ZSCAN18: variants seen among roughly 807,000 people sequenced by gnomAD.
ZSCAN18 encodes zinc finger and SCAN domain containing 18.
Under a neutral mutation model 31.1 loss-of-function variants are expected in ZSCAN18, and 16 were observed. That is an observed-to-expected ratio of 0.51 (90% CI 0.35 to 0.78). The LOEUF (loss-of-function observed/expected upper bound fraction) is 0.78. Among genes scored for constraint, ZSCAN18 ranks in the 30% least tolerant of loss-of-function variants. ZSCAN18 has a pLI of 0.01. For synonymous variants in ZSCAN18, 375 were observed against 320.7 expected (o/e 1.17, Z -1.81); for missense variants, 731 against 697.4 (o/e 1.05, Z -0.54).
At chr19:58,110,686 TCCTA>T (rs1443077683) in intron 1 of ZSCAN18, among the ~76,000 whole-genome samples, 1 of 152,220 alleles carries the variant, frequency 6.6e-6, no homozygotes, top group Non-Finnish European at 1.5e-5. Context: ...ACACACAGTA[TCCTA>T]CCAATTTACA....
upstream of ZSCAN18, among the ~76,000 whole-genome samples, chr19:58,101,086 G>T (rs1234168235): frequency 6.6e-6 from 1 of 151,688 alleles, no homozygotes; most frequent in Non-Finnish European, 1.5e-5. Flanking sequence ...GGTTACCACG[G>T]CTACAGAGTA....
In ZSCAN18 at chr19:58,090,200, G is replaced by A. The variant is rs144951190; in HGVS notation, c.68C>T (p.Pro23Leu). The A allele has an allele frequency of 1.9e-5, 31 of 1,613,722 alleles. No individual in the cohort carries two copies. The highest frequency in any genetic ancestry group is 1.2e-4 in the Admixed American group (7 of 60,032). The change falls in exon 2 of 7, where the codon CCG (proline) becomes CTG (leucine). Residue 23 changes from proline to leucine, a missense_variant. Transcript: ENST00000601144. The surrounding 1 kb of genome is among the most constrained non-coding windows in gnomAD (Gnocchi z 4.7). Reference sequence around the variant, plus strand: ...CTGCTGGACTCCGGCTGCTGACCCCGGCGTGGGCAGATCCGGCGGGGCTGG... The same window carrying A: ...CTGCTGGACTCCGGCTGCTGACCCCAGCGTGGGCAGATCCGGCGGGGCTGG... ...SSPAPPDLPT[P>L]GSAAGVQQEE... is the part of the protein sequence containing the mutation.
chr19:58,096,239 G>C (rs922213787), intron 1 of ZSCAN18, among the ~76,000 whole-genome samples: 5 of 152,072 alleles, frequency 3.3e-5, no homozygotes, highest in Non-Finnish European at 7.4e-5. Context: ...ACAAAATAGA[G>C]ATACCACTGG....
intron 1 of ZSCAN18, chr19:58,109,304 C>G: frequency 8.1e-7 from 1 of 1,231,590 alleles, no homozygotes; most frequent in Non-Finnish European, 1.0e-6. Context: ...GTTTCCCAGG[C>G]TGGAAAGGAA....
Position 58,090,457 on chromosome 19 carries a change from C to A in ZSCAN18, c.-119-71G>T. ...CGCAGCCACCCCAGCTGCCAGAGAA[C>A]AAAGACACCACACCCAGAGTTCACA... On this transcript the variant is annotated intron_variant, in intron 1 of 6. Transcript: ENST00000601144. The surrounding 1 kb of genome is among the most constrained non-coding windows in gnomAD (Gnocchi z 4.7). 1 of 1,359,616 alleles carries A rather than the reference C, an allele frequency of 7.4e-7. No homozygotes were observed. 84.2% of individuals were successfully genotyped at this position (1,359,616 alleles called of 1,614,324 possible).
At chr19:58,110,683 G>C (rs2074675161) in intron 1 of ZSCAN18, among the ~76,000 whole-genome samples, 1 of 152,132 alleles carries the variant, frequency 6.6e-6, no homozygotes. Context: ...AATACACACA[G>C]TATCCTACCA....
Position 58,085,076 on chromosome 19 carries a change from C to A in ZSCAN18, c.1142G>T (p.Ser381Ile), listed in dbSNP as rs769850844. 12 of 1,603,258 alleles carry A rather than the reference C, an allele frequency of 7.5e-6. No homozygotes were observed. Among genetic ancestry groups the A allele is most frequent in the Non-Finnish European group, 1.0e-5 (12 of 1,174,002 alleles). Residue 381 changes from serine (S) to isoleucine (I), a missense_variant, in exon 7 of 7, where the codon AGC becomes ATC. Physicochemically the swap from Ser to Ile is moderately radical, Grantham distance 142. Coordinates refer to ENST00000601144, the MANE Select transcript of ZSCAN18 (RefSeq NM_001145543.2). ...GCCGGAGCTAGAGACGCCCTCGAGGCTCTGCCCGTCCCCATCCTCGGGGTG... is the reference window on the plus strand; with the variant it reads ...GCCGGAGCTAGAGACGCCCTCGAGGATCTGCCCGTCCCCATCCTCGGGGTG... Reference protein sequence around the residue: ...RPHPEDGDGQSLEGVSSSGDS... With the variant: ...RPHPEDGDGQILEGVSSSGDS...
intron 1 of ZSCAN18, among the ~76,000 whole-genome samples, chr19:58,116,822 C>T (rs1183852879): frequency 6.6e-6 from 1 of 152,108 alleles, no homozygotes; most frequent in African/African-American, 2.4e-5. Context: ...GCCAGAGGCA[C>T]GGGAGCAAGG....
intron 6 of ZSCAN18, 87 bp from the exon 7 acceptor site, chr19:58,085,466 C>A (rs1568627823): frequency 2.5e-6 from 3 of 1,211,530 alleles, no homozygotes; most frequent in East Asian, 2.6e-5. Flanking sequence ...GCCGGAACAG[C>A]GCACAGGGCT....
rs1272730984 is a variant in ZSCAN18, at chr19:58,089,884, A to G, written c.384T>C (p.Ala128=). The change falls in exon 2 of 7, where the codon GCT becomes GCC. Residue 128 remains alanine, a synonymous_variant. Coordinates refer to ENST00000601144, the MANE Select transcript of ZSCAN18 (RefSeq NM_001145543.2). ...GCCCACCTGGCTCTTCCAGGACATC[A>G]GCGAGGCCCTCCACCAGGGAGGCTG... ...KKAASLVEGL[A]DVLEEPGMLL... The G allele has an allele frequency of 3.1e-6, 5 of 1,611,468 alleles. No individual in the cohort carries two copies. The African/African-American group carries it at 6.7e-5, about 22-fold the overall frequency.
chr19:58,112,287 G>A (rs1338429825), intron 1 of ZSCAN18, among the ~76,000 whole-genome samples: 1 of 151,990 alleles, frequency 6.6e-6, no homozygotes, highest in Non-Finnish European at 1.5e-5. Context: ...CGCCCATTTC[G>A]GCCTCCCAAA....
At chr19:58,102,408 C>T (rs940407510), upstream of ZSCAN18, among the ~76,000 whole-genome samples, 1 of 152,078 alleles carries the variant, frequency 6.6e-6, no homozygotes, top group South Asian at 2.1e-4. Context: ...TTGCAGAGAG[C>T]CAAGATCACG....
Sources: gnomAD v4.1 joint callset for allele counts (sites outside exome capture counted in the v4.1 genomes callset) on GRCh38, gnomAD v4.1.1 for gene constraint, Gnocchi (gnomAD v3.1) non-coding constraint, MANE v1.5 for transcripts, NCBI Gene and HGNC (gene_info 2026-07-23, HGNC 2026-07-21) for gene names.